ITPK1: variants seen among roughly 807,000 people sequenced by gnomAD.
ITPK1 encodes inositol 1,3,4-trisphosphate 5/6-kinase.
Under a neutral mutation model 45.3 loss-of-function variants are expected in ITPK1, and 21 were observed. That is an observed-to-expected ratio of 0.46 (90% CI 0.33 to 0.67). ITPK1 has a LOEUF of 0.67. Ranked by LOEUF, ITPK1 falls within the 30% of genes least tolerant of loss-of-function variation. ITPK1 has a pLI of 0.02. For synonymous variants in ITPK1, 258 were observed against 253.6 expected (o/e 1.02, Z -0.16); for missense variants, 474 against 573.5 (o/e 0.83, Z 1.77).
At chr14:93,108,669 A>G (rs1448698704) in intron 2 of ITPK1, among the ~76,000 whole-genome samples, 1 of 152,248 alleles carries the variant, frequency 6.6e-6, no homozygotes, top group Admixed American at 6.5e-5. Context: ...TCTCCCATTC[A>G]CTGTCATTGG....
chr14:92,953,812 A>T (rs550292940), intron 8 of ITPK1, among the ~76,000 whole-genome samples: 2 of 152,358 alleles, frequency 1.3e-5, no homozygotes, highest in East Asian at 3.9e-4. Flanking sequence ...AGATCATGCA[A>T]CACAACAGTT....
intron 5 of ITPK1, among the ~76,000 whole-genome samples, chr14:92,984,677 TC>T (rs1886409469): frequency 6.6e-6 from 1 of 152,198 alleles, no homozygotes; most frequent in Admixed American, 6.5e-5. Context: ...ATTTTGCCTT[TC>T]CCTTTGTTCA....
chr14:92,985,275 G>A (rs1191227163), intron 5 of ITPK1, among the ~76,000 whole-genome samples: 1 of 152,072 alleles, frequency 6.6e-6, no homozygotes, highest in Non-Finnish European at 1.5e-5. Flanking sequence ...ATGGGTATTA[G>A]TGGGACAACT....
chr14:93,056,379 G>A (rs1371463954), intron 3 of ITPK1, among the ~76,000 whole-genome samples: 1 of 152,208 alleles, frequency 6.6e-6, no homozygotes, highest in African/African-American at 2.4e-5. Flanking sequence ...GTGCCTGAAA[G>A]CTTGGTGAAC....
rs142032233 is a variant in ITPK1, at chr14:93,028,360, G to A, written c.121-11559C>T. 2.4e-3 allele frequency among the ~76,000 whole-genome samples: 372 copies of A among 152,326 alleles called. 1 individual carries two copies. The highest frequency in any genetic ancestry group is 8.4e-3 in the African/African-American group (349 of 41,580). On this transcript the variant is annotated intron_variant, in intron 3 of 10. Transcript: ENST00000267615. ...CCGGAAACCAACCCCCAGAGGTACA[G>A]GGCAGCCTGTTCTAACACCTTCGCT... is the stretch of plus-strand genomic sequence containing the variant.
intron 3 of ITPK1, among the ~76,000 whole-genome samples, chr14:93,057,796 C>T (rs2092161761): frequency 6.6e-6 from 1 of 152,212 alleles, no homozygotes; most frequent in African/African-American, 2.4e-5. Flanking sequence ...CGACTCAGGG[C>T]TCACCCACCA....
chr14:92,943,323 A>G (rs1208649268), intron 10 of ITPK1, among the ~76,000 whole-genome samples: 1 of 152,132 alleles, frequency 6.6e-6, no homozygotes, highest in Non-Finnish European at 1.5e-5. Flanking sequence ...AGCCCACCGC[A>G]CCCCTGCAGC....
chr14:92,947,293 G>C (rs774658364), intron 9 of ITPK1, among the ~76,000 whole-genome samples: 2 of 152,240 alleles, frequency 1.3e-5, no homozygotes, highest in African/African-American at 2.4e-5. Flanking sequence ...CTTTCCTCAA[G>C]GTTTCCATGT....
At chr14:92,959,728 C>T (rs553015552) in intron 7 of ITPK1, among the ~76,000 whole-genome samples, 2 of 152,020 alleles carry the variant, frequency 1.3e-5, no homozygotes, top group Non-Finnish European at 2.9e-5. Flanking sequence ...AAAAAGATTC[C>T]ACTGTGGAGC....
intron 2 of ITPK1, among the ~76,000 whole-genome samples, chr14:93,103,099 C>CA (rs71123389): frequency 0.31 from 21,561 of 68,454 alleles, 2,591 homozygotes; most frequent in Middle Eastern, 0.44. Flanking sequence ...GACTCCATCT[C>CA]AAAAAAAAAA....
chr14:93,043,202 A>G (rs998432015), intron 3 of ITPK1, among the ~76,000 whole-genome samples: 1 of 152,138 alleles, frequency 6.6e-6, no homozygotes, highest in African/African-American at 2.4e-5. Context: ...CACAGCACAC[A>G]CAGAACCAGA....
chr14:93,087,763 T>C (rs968208410), intron 2 of ITPK1, among the ~76,000 whole-genome samples: 2 of 151,268 alleles, frequency 1.3e-5, no homozygotes, highest in Non-Finnish European at 2.9e-5. Context: ...CTGTCAGGAG[T>C]TTGTAGGGGC....
At chr14:93,050,435 A>G (rs1247151120) in intron 3 of ITPK1, among the ~76,000 whole-genome samples, 1 of 152,188 alleles carries the variant, frequency 6.6e-6, no homozygotes, top group Admixed American at 6.5e-5. Flanking sequence ...CACGTGCTCC[A>G]AATGGTTCTC....
chr14:93,080,160 T>A (rs1207324806), intron 2 of ITPK1, among the ~76,000 whole-genome samples: 1 of 152,222 alleles, frequency 6.6e-6, no homozygotes, highest in Non-Finnish European at 1.5e-5. Context: ...CTGTGTGCTG[T>A]AGATAATTAT....
rs185601690 is a variant in ITPK1, at chr14:92,941,189, C to T, written c.*372G>A. The T allele has an allele frequency of 1.8e-4, 219 of 1,247,742 alleles. 1 individual carries two copies. Among genetic ancestry groups the T allele is most frequent in the Admixed American group, 1.7e-3 (45 of 27,104 alleles). The allele number at this position is 1,247,742 out of a possible 1,614,324, so 77.3% of individuals were successfully genotyped here. A position where few individuals can be genotyped will look rare whatever the true frequency, so the allele number is the denominator to read the frequency against. On this transcript the variant is annotated 3_prime_UTR_variant, in exon 11 of 11. Transcript: ENST00000267615. ...ATGGGCAGGCTTCCCCCAAGGGTCC[C>T]GGTCCACAGTGGCCATGGAGACCAA...
rs533386744 is a variant in ITPK1, at chr14:93,046,078, G to A, written c.121-29277C>T. Among the ~76,000 whole-genome samples, 408 of 152,212 alleles carry A rather than the reference G, an allele frequency of 2.7e-3. 1 individual carries two copies. The highest frequency in any genetic ancestry group is 9.1e-3 in the African/African-American group (379 of 41,536). ...CTTTTTGACCCCATCCCCACCCCAC[G>A]CTCTTTTCTTCTGCAAACCTCCCAG... On this transcript the variant is annotated intron_variant, in intron 3 of 10. Coordinates refer to ENST00000267615, the MANE Select transcript of ITPK1 (RefSeq NM_014216.6).
At chr14:93,113,468 T>C (rs1408165839) in intron 2 of ITPK1, among the ~76,000 whole-genome samples, 3 of 152,156 alleles carry the variant, frequency 2.0e-5, no homozygotes. Flanking sequence ...GTACAAAGGG[T>C]GCGAGGTATT....
chr14:93,021,614 A>C (rs1379465660), intron 3 of ITPK1, among the ~76,000 whole-genome samples: 1 of 150,402 alleles, frequency 6.6e-6, no homozygotes, highest in Non-Finnish European at 1.5e-5. Context: ...GAAAAGAAAA[A>C]GAAAAAGAAA....
At chr14:93,085,962 C>T (rs1891635394) in intron 2 of ITPK1, among the ~76,000 whole-genome samples, 1 of 152,024 alleles carries the variant, frequency 6.6e-6, no homozygotes, top group South Asian at 2.1e-4. Flanking sequence ...GGTTCTAGCA[C>T]CTCCTCCCCT....
Sources: allele counts gnomAD v4.1 joint callset (sites outside exome capture counted in the v4.1 genomes callset), GRCh38; gene constraint gnomAD v4.1.1; transcripts MANE v1.5; gene names NCBI Gene and HGNC (gene_info 2026-07-23, HGNC 2026-07-21).